CTNND2: variants seen among roughly 807,000 people sequenced by gnomAD.
The protein encoded by CTNND2 is catenin delta 2, also known as catenin delta-2.
Under a neutral mutation model 144.4 loss-of-function variants are expected in CTNND2, and 22 were observed. The observed-to-expected ratio is 0.15, with a 90% CI of 0.11 to 0.22. The LOEUF (loss-of-function observed/expected upper bound fraction) is 0.22. Ranked by LOEUF, CTNND2 falls within the 10% of genes least tolerant of loss-of-function variation. The pLI, the probability that CTNND2 is intolerant of heterozygous loss-of-function variation, is 1.00. For synonymous variants in CTNND2, 751 were observed against 695.6 expected, an observed-to-expected ratio of 1.08 and a Z score of -1.25; for missense variants, 1,353 against 1,618.8, an observed-to-expected ratio of 0.84 and a Z score of 2.82.
chr5:11,215,903 T>A (rs1580611356), intron 10 of CTNND2, among the ~76,000 whole-genome samples: 1 of 152,220 alleles, frequency 6.6e-6, no homozygotes, highest in Non-Finnish European at 1.5e-5. Context: ...AAAGAAATTG[T>A]GGTTTACATT....
chr5:11,380,499 G>A (rs1758366814), intron 7 of CTNND2, among the ~76,000 whole-genome samples: 1 of 152,206 alleles, frequency 6.6e-6, no homozygotes, highest in African/African-American at 2.4e-5. Flanking sequence ...GAGCCTACCA[G>A]CCTTAAGGAG....
intron 10 of CTNND2, among the ~76,000 whole-genome samples, chr5:11,230,108 A>G (rs1740834483): frequency 6.6e-6 from 1 of 150,914 alleles, no homozygotes; most frequent in African/African-American, 2.4e-5. Flanking sequence ...TCAGTAAACT[A>G]TCGCAAGAAC....
At chr5:11,482,167 T>C (rs1053079201) in intron 3 of CTNND2, among the ~76,000 whole-genome samples, 15 of 152,096 alleles carry the variant, frequency 9.9e-5, no homozygotes, top group African/African-American at 3.6e-4. Flanking sequence ...ACCGCAGGAA[T>C]TGGTGTTTTG....
intron 3 of CTNND2, among the ~76,000 whole-genome samples, chr5:11,493,543 T>C (rs1312512531): frequency 6.6e-6 from 1 of 152,244 alleles, no homozygotes; most frequent in African/African-American, 2.4e-5. Flanking sequence ...TCTTCTTATC[T>C]ATACATCTGA....
At chr5:11,043,101 A>T (rs1201484676) in intron 16 of CTNND2, among the ~76,000 whole-genome samples, 4 of 143,768 alleles carry the variant, frequency 2.8e-5, no homozygotes, top group Non-Finnish European at 4.7e-5. Flanking sequence ...TTTTTTTTTT[A>T]GGATAAAGGA....
chr5:11,084,283 G>A (rs1190982113), intron 15 of CTNND2, among the ~76,000 whole-genome samples: 1 of 152,190 alleles, frequency 6.6e-6, no homozygotes, highest in East Asian at 1.9e-4. Flanking sequence ...TCCCAGGGAG[G>A]AAGCCCTTTC....
chr5:11,838,106 G>T (rs1166074110), intron 1 of CTNND2, among the ~76,000 whole-genome samples: 1 of 151,884 alleles, frequency 6.6e-6, no homozygotes, highest in Non-Finnish European at 1.5e-5. Flanking sequence ...ACATTTTTTT[G>T]CACCTTGTAT....
At chr5:11,492,518 T>C (rs935860258) in intron 3 of CTNND2, among the ~76,000 whole-genome samples, 7 of 151,618 alleles carry the variant, frequency 4.6e-5, no homozygotes, top group African/African-American at 1.5e-4. Flanking sequence ...TGTGTGTGTG[T>C]GTGTGTGTGT....
chr5:11,104,669 T>A (rs1416846984), intron 14 of CTNND2, among the ~76,000 whole-genome samples: 1 of 152,102 alleles, frequency 6.6e-6, no homozygotes, highest in East Asian at 1.9e-4. Context: ...AAGAAAACGG[T>A]AGTGCGGGTG....
chr5:11,413,338 A>G (rs191893684), intron 3 of CTNND2, among the ~76,000 whole-genome samples: 293 of 152,352 alleles, frequency 1.9e-3, no homozygotes, highest in Middle Eastern at 6.8e-3. Flanking sequence ...TAACAGGTTC[A>G]CTTAGTAAGT....
At chr5:11,122,734 G>C (rs199828883) in intron 12 of CTNND2, among the ~76,000 whole-genome samples, 38 of 151,940 alleles carry the variant, frequency 2.5e-4, no homozygotes, top group Admixed American at 7.9e-4. Context: ...TTTGAGGAGT[G>C]GGGTGGGCTG....
intron 2 of CTNND2, among the ~76,000 whole-genome samples, chr5:11,680,991 T>C (rs1784400310): frequency 6.6e-6 from 1 of 152,006 alleles, no homozygotes; most frequent in African/African-American, 2.4e-5. Context: ...AGGGTGGAGA[T>C]CTAGAGGATG....
At chr5:11,178,904 C>T (rs1760733805) in intron 11 of CTNND2, among the ~76,000 whole-genome samples, 1 of 152,130 alleles carries the variant, frequency 6.6e-6, no homozygotes, top group Non-Finnish European at 1.5e-5. Context: ...CTTTATGATA[C>T]TGTGGAACTA....
chr5:11,740,273 T>C (rs1423139824), intron 1 of CTNND2, among the ~76,000 whole-genome samples: 2 of 152,178 alleles, frequency 1.3e-5, no homozygotes, highest in Admixed American at 6.5e-5. Context: ...GGCATCACAC[T>C]ACCTGACTTC....
chr5:11,315,413 T>A (rs1407202578), intron 9 of CTNND2, among the ~76,000 whole-genome samples: 2 of 152,228 alleles, frequency 1.3e-5, no homozygotes, highest in Admixed American at 6.5e-5. Context: ...TTTTGTCCCA[T>A]TTCTCTAACT....
At position 11,199,884 on chromosome 5, in the gene CTNND2, C is replaced by T. The variant is rs10075066; in HGVS notation, c.1762-223G>A. 0.023 allele frequency among the ~76,000 whole-genome samples: 3,575 copies of T among 152,292 alleles called. 124 individuals are homozygous for T. The highest frequency in any genetic ancestry group is 0.082 in the African/African-American group (3,389 of 41,554). On this transcript the variant is annotated intron_variant, in intron 10 of 21. Coordinates refer to ENST00000304623, the MANE Select transcript of CTNND2 (RefSeq NM_001332.4). The stretch of plus-strand genomic sequence containing the variant: ...AAAATCCAAATGTATTTCTTTCGAA[C>T]TATAGAATTTTGGAAAGGTGATTTT...
At chr5:11,540,175 C>A (rs913254651) in intron 3 of CTNND2, among the ~76,000 whole-genome samples, 1 of 152,296 alleles carries the variant, frequency 6.6e-6, no homozygotes, top group Non-Finnish European at 1.5e-5. Context: ...CTATACAACC[C>A]GACACAGGTT....
chr5:11,709,455 G>A (rs1785902333), intron 2 of CTNND2, among the ~76,000 whole-genome samples: 1 of 152,182 alleles, frequency 6.6e-6, no homozygotes, highest in South Asian at 2.1e-4. Flanking sequence ...ATTTAATCAT[G>A]TAAAAGCATC....
intron 1 of CTNND2, among the ~76,000 whole-genome samples, chr5:11,895,407 C>A (rs906262512): frequency 5.3e-5 from 8 of 152,126 alleles, no homozygotes; most frequent in African/African-American, 1.9e-4. Flanking sequence ...GTCGCAACAA[C>A]CTGAAGACAC....
Sources: allele counts gnomAD v4.1 joint callset (sites outside exome capture counted in the v4.1 genomes callset), GRCh38; gene constraint gnomAD v4.1.1; transcripts MANE v1.5; gene names NCBI Gene and HGNC (gene_info 2026-07-23, HGNC 2026-07-21).